Variants in TMED3 observed in about 807,000 individuals in gnomAD.
The protein encoded by TMED3 is transmembrane p24 trafficking protein 3, also known as transmembrane emp24 domain-containing protein 3.
A neutral mutation model predicts 15.0 loss-of-function variants in TMED3; 9 were observed. That is an observed-to-expected ratio of 0.60 (90% confidence interval 0.36 to 1.04). The LOEUF is 1.04. Ranked by LOEUF, TMED3 falls within the 50% of genes least tolerant of loss-of-function variation. The pLI, the probability that TMED3 is intolerant of heterozygous loss-of-function variation, is 0.01. For synonymous variants in TMED3, 117 were observed against 121.4 expected (o/e 0.96, Z 0.24); for missense variants, 267 against 278.9 (o/e 0.96, Z 0.30).
At chr15:79,354,510 C>A (rs1249294432) in intron 2 of TMED3, among the ~76,000 whole-genome samples, 2 of 151,950 alleles carry the variant, frequency 1.3e-5, no homozygotes, top group African/African-American at 4.8e-5. Flanking sequence ...TCTATGGATT[C>A]TGTCTGCTGA....
At chr15:79,387,449 A>G (rs1893640051) in intron 2 of TMED3, among the ~76,000 whole-genome samples, 1 of 152,168 alleles carries the variant, frequency 6.6e-6, no homozygotes, top group South Asian at 2.1e-4. Context: ...GTGATAATTG[A>G]ACCTTTATAA....
At chr15:79,401,368 A>G (rs1893831051) in intron 2 of TMED3, among the ~76,000 whole-genome samples, 1 of 152,192 alleles carries the variant, frequency 6.6e-6, no homozygotes. Flanking sequence ...TATTTTCTTT[A>G]CAGGAGTGTG....
chr15:79,365,091 G>A (rs1021663613), intron 2 of TMED3, among the ~76,000 whole-genome samples: 25 of 152,342 alleles, frequency 1.6e-4, no homozygotes, highest in African/African-American at 2.9e-4. Flanking sequence ...TTTGAGCAGC[G>A]GAGACGAGGG....
At chr15:79,343,635 G>A (rs1209446301) in intron 2 of TMED3, among the ~76,000 whole-genome samples, 2 of 148,520 alleles carry the variant, frequency 1.3e-5, no homozygotes, top group Non-Finnish European at 1.5e-5. Flanking sequence ...GACTGCAGGG[G>A]TAAGAGTGGA....
At chr15:79,376,754 T>G (rs548549807) in intron 2 of TMED3, among the ~76,000 whole-genome samples, 99 of 152,362 alleles carry the variant, frequency 6.5e-4, no homozygotes, top group Admixed American at 2.4e-3. Context: ...GTTTAGCATT[T>G]TTATTGTTGG....
At chr15:79,404,100 T>G (rs1416346400) in intron 2 of TMED3, among the ~76,000 whole-genome samples, 6 of 152,234 alleles carry the variant, frequency 3.9e-5, no homozygotes, top group Non-Finnish European at 8.8e-5. Flanking sequence ...ATGTATTCCT[T>G]GGTCTGAATC....
chr15:79,347,997 C>G (rs2058877483), intron 2 of TMED3, among the ~76,000 whole-genome samples: 1 of 152,040 alleles, frequency 6.6e-6, no homozygotes, highest in Non-Finnish European at 1.5e-5. Flanking sequence ...CTAGATTGTC[C>G]AAAGTGTGGA....
In TMED3 at chr15:79,318,202, C is replaced by T. The variant is rs140166374; in HGVS notation, c.418-3776C>T. ...ACTCCATCTTCTCTGGCAGGCTCAGCATCTTTCTCCTGGGGTGTTCCTGCC... is the reference window on the plus strand; with the variant it reads ...ACTCCATCTTCTCTGGCAGGCTCAGTATCTTTCTCCTGGGGTGTTCCTGCC... On this transcript the variant is annotated intron_variant, in intron 2 of 2. Transcript: ENST00000299705. Among the ~76,000 whole-genome samples, 17 of 9,574 alleles carry T rather than the reference C, an allele frequency of 1.8e-3. No individual in the cohort carries two copies. The East Asian group carries it at 0.067, about 38-fold the overall frequency. The allele number at this position is 9,574 out of a possible 152,430, so 6.3% of individuals were successfully genotyped here. A position where few individuals can be genotyped will look rare whatever the true frequency, so the allele number is the denominator to read the frequency against.
In TMED3 at chr15:79,313,813, C is replaced by T; in HGVS notation, c.225C>T (p.Asn75=). The change falls in exon 2 of 3, where the codon AAC becomes AAT. Residue 75 remains asparagine (N), a synonymous_variant. Transcript: ENST00000299705. ...VDCYVEDPQG[N]TIYRETKKQY... The stretch of plus-strand genomic sequence containing the variant: ...GCTATGTAGAGGACCCCCAGGGGAA[C>T]ACCATCTACAGAGAAACGAAGAAGC... 3 of 1,614,242 alleles carry T rather than the reference C, an allele frequency of 1.9e-6. No individual in the cohort carries two copies. Among genetic ancestry groups the T allele is most frequent in the Non-Finnish European group, 2.5e-6 (3 of 1,180,042 alleles).
chr15:79,340,731 A>G (rs1459951495), intron 2 of TMED3, among the ~76,000 whole-genome samples: 2 of 152,168 alleles, frequency 1.3e-5, no homozygotes, highest in African/African-American at 4.8e-5. Flanking sequence ...TCATTCATTA[A>G]TTTTCCAATA....
intron 2 of TMED3, among the ~76,000 whole-genome samples, chr15:79,373,428 A>G (rs1893375992): frequency 1.3e-5 from 2 of 152,122 alleles, no homozygotes; most frequent in Admixed American, 1.3e-4. Context: ...CCTTCAGTGA[A>G]TTTCCCTCGC....
At chr15:79,321,815 CTTG>C (rs2058768063) in intron 2 of TMED3, among the ~76,000 whole-genome samples, 160 bp from the exon 3 acceptor site, 1 of 152,214 alleles carries the variant, frequency 6.6e-6, no homozygotes, top group Non-Finnish European at 1.5e-5. Context: ...TTCAATTAGG[CTTG>C]TTGTGAGGAT....
intron 2 of TMED3, among the ~76,000 whole-genome samples, chr15:79,373,571 C>T (rs1039192468): frequency 2.6e-5 from 4 of 152,096 alleles, no homozygotes; most frequent in Admixed American, 6.5e-5. Context: ...TGAGATGCTG[C>T]GGCTTTGGGT....
intron 2 of TMED3, among the ~76,000 whole-genome samples, chr15:79,329,535 A>G (rs889235864): frequency 5.9e-5 from 9 of 152,218 alleles, no homozygotes; most frequent in Non-Finnish European, 1.2e-4. Context: ...CCCTGCTGAC[A>G]TTGCACATAC....
intron 2 of TMED3, among the ~76,000 whole-genome samples, chr15:79,371,210 A>C (rs766324612): frequency 9.2e-5 from 14 of 152,232 alleles, no homozygotes; most frequent in Non-Finnish European, 1.9e-4. Context: ...CATATTTTAA[A>C]ATTGAGGTCC....
At chr15:79,364,360 C>T (rs779374315) in intron 2 of TMED3, among the ~76,000 whole-genome samples, 6 of 151,988 alleles carry the variant, frequency 3.9e-5, no homozygotes, top group South Asian at 4.2e-4. Flanking sequence ...TGGGCCAGGT[C>T]GGAGGTTCTC....
intron 2 of TMED3, among the ~76,000 whole-genome samples, chr15:79,396,587 C>T (rs1375191762): frequency 6.6e-6 from 1 of 152,176 alleles, no homozygotes; most frequent in Non-Finnish European, 1.5e-5. Flanking sequence ...GTAAGTGTTC[C>T]TAATGCAAGG....
intron 2 of TMED3, among the ~76,000 whole-genome samples, chr15:79,365,324 T>C (rs1893211403): frequency 6.6e-6 from 1 of 152,236 alleles, no homozygotes; most frequent in African/African-American, 2.4e-5. Context: ...CAGAAAAGAA[T>C]GTTAGGTCTG....
intron 2 of TMED3, among the ~76,000 whole-genome samples, chr15:79,361,303 C>G (rs1008497215): frequency 5.3e-5 from 8 of 152,164 alleles, no homozygotes; most frequent in Non-Finnish European, 1.2e-4. Flanking sequence ...AAACTTATCT[C>G]ATATGATTTT....
Sources: gnomAD v4.1 joint callset for allele counts (sites outside exome capture counted in the v4.1 genomes callset) on GRCh38, gnomAD v4.1.1 for gene constraint, MANE v1.5 for transcripts, NCBI Gene and HGNC (gene_info 2026-07-23, HGNC 2026-07-21) for gene names.